The following KIF26B variants were observed in gnomAD, a reference collection of about 807,000 sequenced individuals.
KIF26B encodes kinesin family member 26B.
KIF26B carries 63 observed loss-of-function variants against 151.2 expected under a neutral mutation model. That is an observed-to-expected ratio of 0.42 (90% CI 0.34 to 0.51). The LOEUF is 0.51. Among genes scored for constraint, KIF26B ranks in the 20% least tolerant of loss-of-function variants. KIF26B has a pLI of 0.07. For missense variants in KIF26B, 2,813 were observed against 2,913.6 expected (o/e 0.97, Z 0.79); for synonymous variants, 1,357 against 1,262.1 (o/e 1.08, Z -1.59).
chr1:245,520,182 T>G (rs957674930), intron 4 of KIF26B, among the ~76,000 whole-genome samples: 2 of 149,306 alleles, frequency 1.3e-5, no homozygotes, highest in African/African-American at 5.0e-5. Flanking sequence ...AAGTGATTTC[T>G]AAAGGCCAGA....
intron 3 of KIF26B, among the ~76,000 whole-genome samples, chr1:245,374,539 C>T (rs1437299938): frequency 6.6e-6 from 1 of 152,032 alleles, no homozygotes; most frequent in Non-Finnish European, 1.5e-5. Flanking sequence ...CCACTTGTGC[C>T]CTGAAATATG....
At position 245,522,084 on chromosome 1, in the gene KIF26B, T is replaced by C. The variant is rs369620639; in HGVS notation, c.1167-18683T>C. Among the ~76,000 whole-genome samples, 117 of 152,244 alleles carry C rather than the reference T, an allele frequency of 7.7e-4. No individual in the cohort carries two copies. The East Asian group carries it at 0.011, about 15-fold the overall frequency. On this transcript the variant is annotated intron_variant, in intron 4 of 14. Coordinates refer to ENST00000407071, the MANE Select transcript of KIF26B (RefSeq NM_018012.4). ...CGGGGTTTCACCGTGTTAGCCAGGA[T>C]GGTCTCGATCTCCTGACCTCATGAT...
intron 8 of KIF26B, among the ~76,000 whole-genome samples, chr1:245,609,838 A>C (rs143114849): frequency 2.0e-5 from 3 of 152,278 alleles, no homozygotes; most frequent in Admixed American, 6.5e-5. Flanking sequence ...GTTTAACAAC[A>C]AACCGGAATA....
rs556485685 is a variant in KIF26B, at chr1:245,430,017, T to C, written c.1166+10272T>C. ...AGGGGCTTTAAGAATTCTGTTCCCATAGAACTTTGTGACTCACTGAAGGCC... is the reference window on the plus strand; with the variant it reads ...AGGGGCTTTAAGAATTCTGTTCCCACAGAACTTTGTGACTCACTGAAGGCC... On this transcript the variant is annotated intron_variant, in intron 4 of 14. Coordinates refer to ENST00000407071, the MANE Select transcript of KIF26B (RefSeq NM_018012.4). Among the ~76,000 whole-genome samples, 7 of 152,310 alleles carry C rather than the reference T, an allele frequency of 4.6e-5. No individual in the cohort carries two copies. The South Asian group carries it at 1.5e-3, about 32-fold the overall frequency.
At chr1:245,491,155 G>A (rs1660401910) in intron 4 of KIF26B, among the ~76,000 whole-genome samples, 1 of 151,576 alleles carries the variant, frequency 6.6e-6, no homozygotes, top group Non-Finnish European at 1.5e-5. Context: ...TTTTAAGACA[G>A]CATATTTGTT....
At chr1:245,480,780 T>TAA (rs57127912) in intron 4 of KIF26B, among the ~76,000 whole-genome samples, 3 of 143,480 alleles carry the variant, frequency 2.1e-5, no homozygotes, top group South Asian at 2.3e-4. Flanking sequence ...TTTAAAATGT[T>TAA]AAAAAAAAAA....
intron 4 of KIF26B, among the ~76,000 whole-genome samples, chr1:245,497,124 G>T (rs1397896843): frequency 6.7e-6 from 1 of 148,662 alleles, no homozygotes; most frequent in East Asian, 2.0e-4. Context: ...TTGCACTCCA[G>T]CCTGGGCAAC....
At chr1:245,157,269 C>T (rs1305190295) in intron 2 of KIF26B, among the ~76,000 whole-genome samples, 1 of 152,240 alleles carries the variant, frequency 6.6e-6, no homozygotes, top group East Asian at 1.9e-4. Context: ...GCGCCAAGCA[C>T]ACTGGTTCCT....
At chr1:245,493,622 A>T (rs1323323574) in intron 4 of KIF26B, among the ~76,000 whole-genome samples, 1 of 152,204 alleles carries the variant, frequency 6.6e-6, no homozygotes, top group African/African-American at 2.4e-5. Flanking sequence ...GCCTCAGCTG[A>T]TGCTGTGCAG....
At chr1:245,362,520 G>C (rs1672848263) in intron 2 of KIF26B, among the ~76,000 whole-genome samples, 1 of 149,060 alleles carries the variant, frequency 6.7e-6, no homozygotes, top group Admixed American at 6.8e-5. Context: ...TCTTGCGACA[G>C]AGCAAGACTC....
chr1:245,497,912 T>C (rs1351906021), intron 4 of KIF26B, among the ~76,000 whole-genome samples: 1 of 152,148 alleles, frequency 6.6e-6, no homozygotes, highest in Non-Finnish European at 1.5e-5. Context: ...CCCAGCTAAT[T>C]TTTATATCTT....
rs771726710 is a variant in KIF26B at position 245,686,581 on chromosome 1, G to A, written c.3598G>A (p.Gly1200Arg). 3.1e-6 allele frequency: 5 copies of A among 1,612,560 alleles called. No homozygotes were observed. The highest frequency in any genetic ancestry group is 2.2e-5 in the East Asian group (1 of 44,848). The part of the protein sequence containing the change: ...FTLVEELTIS[G>R]VLDSGRPTSI... ...GCTGGTGGAGGAGCTGACCATCAGC[G>A]GGGTCCTGGACAGCGGCCGCCCCAC... Residue 1200 changes from glycine (G) to arginine (R), a missense_variant, in exon 12 of 15, where the codon GGG (glycine) becomes AGG (arginine). Physicochemically the swap from Gly to Arg is moderately radical, Grantham distance 125. Transcript: ENST00000407071. The surrounding 1 kb of genome is among the most constrained non-coding windows in gnomAD (Gnocchi z 5.6).
At chr1:245,174,865 T>G (rs1668776526) in intron 2 of KIF26B, among the ~76,000 whole-genome samples, 1 of 152,186 alleles carries the variant, frequency 6.6e-6, no homozygotes, top group Non-Finnish European at 1.5e-5. Flanking sequence ...TTGAAATTTA[T>G]TTACCTTTTT....
At chr1:245,311,977 T>G (rs1222563863) in intron 2 of KIF26B, among the ~76,000 whole-genome samples, 1 of 152,192 alleles carries the variant, frequency 6.6e-6, no homozygotes, top group Non-Finnish European at 1.5e-5. Flanking sequence ...TCAGCCACGC[T>G]GAATTGAGGT....
At chr1:245,361,016 C>T (rs987058099) in intron 2 of KIF26B, among the ~76,000 whole-genome samples, 27 of 152,110 alleles carry the variant, frequency 1.8e-4, no homozygotes, top group South Asian at 6.2e-4. Flanking sequence ...TAAATAAAAG[C>T]ATTTTCAGGG....
At chr1:245,346,774 T>TG (rs1672465667) in intron 2 of KIF26B, among the ~76,000 whole-genome samples, 1 of 152,218 alleles carries the variant, frequency 6.6e-6, no homozygotes, top group African/African-American at 2.4e-5. Flanking sequence ...CATCCCATTC[T>TG]CTGATCACCA....
In KIF26B at chr1:245,444,290, C is replaced by T. The variant is rs115862944; in HGVS notation, c.1166+24545C>T. Among the ~76,000 whole-genome samples, 582 of 152,288 alleles carry T rather than the reference C, an allele frequency of 3.8e-3. 4 individuals carry two copies. Among genetic ancestry groups the T allele is most frequent in the African/African-American group, 0.013 (521 of 41,518 alleles). On this transcript the variant is annotated intron_variant, in intron 4 of 14. Transcript: ENST00000407071. Reference sequence around the variant, plus strand: ...GTGAATCCCAGGCCTTTTCAGCGGCCCTCCAGGCCTGCAGGTTCAAGCAGG... The same window carrying T: ...GTGAATCCCAGGCCTTTTCAGCGGCTCTCCAGGCCTGCAGGTTCAAGCAGG...
At chr1:245,255,230 A>C (rs1188785435) in intron 2 of KIF26B, among the ~76,000 whole-genome samples, 1 of 152,218 alleles carries the variant, frequency 6.6e-6, no homozygotes, top group Non-Finnish European at 1.5e-5. Context: ...CCAGAACTGC[A>C]AAGAAATGAG....
intron 9 of KIF26B, among the ~76,000 whole-genome samples, chr1:245,621,430 G>GTGCTTAATAAAGTGTGGC (rs2043658529): frequency 1.3e-5 from 2 of 152,186 alleles, no homozygotes; most frequent in South Asian, 4.1e-4. Context: ...TACCTTCCAG[G>GTGCTTAATAAAGTGTGGC]TGCTTAATAA....
Sources: allele counts gnomAD v4.1 joint callset (sites outside exome capture counted in the v4.1 genomes callset), GRCh38; gene constraint gnomAD v4.1.1; non-coding constraint Gnocchi (gnomAD v3.1); transcripts MANE v1.5; gene names NCBI Gene and HGNC (gene_info 2026-07-23, HGNC 2026-07-21).